Variants in VWDE observed in about 807,000 individuals in gnomAD.
VWDE encodes the protein von Willebrand factor D and EGF domain-containing protein.
In VWDE, 207 loss-of-function variants were observed where a neutral mutation model predicts 178.4. That is an observed-to-expected ratio of 1.16 (90% CI 1.04 to 1.30). The LOEUF (loss-of-function observed/expected upper bound fraction) is 1.30, where lower values mean the gene tolerates loss of function less well. VWDE is among the 50% of genes most tolerant of loss of function. The pLI, the probability that VWDE is intolerant of heterozygous loss-of-function variation, is 0.00. For synonymous variants in VWDE, 738 were observed against 651.4 expected (o/e 1.13, Z -2.02); for missense variants, 2,287 against 1,901.3 (o/e 1.20, Z -3.77).
chr7:12,379,630 C>A, intron 5 of VWDE, 64 bp from the exon 6 acceptor site: 2 of 1,210,898 alleles, frequency 1.7e-6, no homozygotes, highest in South Asian at 1.5e-5. Flanking sequence ...TGTAAATTAT[C>A]ACTTTTAAAA....
intron 7 of VWDE, 189 bp downstream of exon 7, chr7:12,377,587 A>G (rs7789937): frequency 0.24 from 94,160 of 388,212 alleles, 11,777 homozygotes; most frequent in African/African-American, 0.28. Flanking sequence ...TCAGCCAAGA[A>G]GAAGAAATGT....
intron 28 of VWDE, 78 bp from the exon 29 acceptor site, chr7:12,331,275 C>T (rs1437378725): frequency 8.0e-7 from 1 of 1,243,462 alleles, no homozygotes; most frequent in Non-Finnish European, 1.1e-6. Context: ...TTGTTGCCTC[C>T]TTCCCTCTGA....
chr7:12,363,075 A>T (rs1344963180), intron 13 of VWDE, among the ~76,000 whole-genome samples: 2 of 152,120 alleles, frequency 1.3e-5, no homozygotes, highest in African/African-American at 4.8e-5. Flanking sequence ...ATCTCAGTGA[A>T]AAAAGATCAC....
At chr7:12,398,231 C>T (rs1358209945) in intron 1 of VWDE, among the ~76,000 whole-genome samples, 1 of 152,108 alleles carries the variant, frequency 6.6e-6, no homozygotes, top group Non-Finnish European at 1.5e-5. Context: ...TCCCACAGAA[C>T]TGATCTTTAT....
At chr7:12,331,994 T>C (rs1780748569) in intron 28 of VWDE, among the ~76,000 whole-genome samples, 1 of 152,112 alleles carries the variant, frequency 6.6e-6, no homozygotes, top group Non-Finnish European at 1.5e-5. Context: ...TATCTCAGGT[T>C]GCCTGAGGAA....
Position 12,379,457 on chromosome 7 carries a change from G to A in VWDE, c.879+20C>T, listed in dbSNP as rs1248569655. The A allele has an allele frequency of 2.0e-6, 3 of 1,503,416 alleles. No homozygotes were observed. In the Admixed American group the frequency reaches 6.1e-5, roughly 30 times the overall value. The allele number at this position is 1,503,416 out of a possible 1,614,324, so 93.1% of individuals were successfully genotyped here. A position where few individuals can be genotyped will look rare whatever the true frequency, so the allele number is the denominator to read the frequency against. ...GTTCCAGAGGAATAATCTTTCTGAT[G>A]CATCCCCACTGCTGCGTACCTTAAA... is the stretch of plus-strand genomic sequence containing the variant. On this transcript the variant is annotated intron_variant, in intron 6 of 28. Transcript: ENST00000275358.
chr7:12,349,275 A>G, intron 19 of VWDE, among the ~76,000 whole-genome samples: 1 of 141,376 alleles, frequency 7.1e-6, no homozygotes, highest in East Asian at 2.0e-4. Context: ...TATGATATTT[A>G]AATTCAATGT....
chr7:12,350,426 T>C (rs1302858571), intron 19 of VWDE, among the ~76,000 whole-genome samples: 2 of 151,510 alleles, frequency 1.3e-5, no homozygotes, highest in Non-Finnish European at 2.9e-5. Flanking sequence ...GTTTGATAAA[T>C]AACATTTAAA....
At chr7:12,337,364 A>G in intron 24 of VWDE, 92 bp from the exon 25 acceptor site, 1 of 1,074,850 alleles carries the variant, frequency 9.3e-7, no homozygotes, top group South Asian at 1.4e-5. Context: ...CAATGAGGAC[A>G]TAAGGCAGAG....
chr7:12,386,196 C>T (rs1213623463), intron 3 of VWDE, among the ~76,000 whole-genome samples: 1 of 152,042 alleles, frequency 6.6e-6, no homozygotes, highest in Non-Finnish European at 1.5e-5. Context: ...AAATTAAATA[C>T]TTTTTATGAC....
intron 27 of VWDE, among the ~76,000 whole-genome samples, chr7:12,334,701 A>T (rs1382709117): frequency 2.0e-5 from 3 of 152,352 alleles, no homozygotes; most frequent in Admixed American, 6.5e-5. Context: ...ATGCTGCAGG[A>T]TGCAGAAACA....
At chr7:12,385,325 C>A (rs112786375) in intron 3 of VWDE, among the ~76,000 whole-genome samples, 1 of 152,156 alleles carries the variant, frequency 6.6e-6, no homozygotes, top group South Asian at 2.1e-4. Context: ...GACAGCAATA[C>A]GTCCAAGTAA....
At chr7:12,344,152 T>C (rs954937610) in intron 21 of VWDE, 43 bp downstream of exon 21, 2 of 1,489,532 alleles carry the variant, frequency 1.3e-6, no homozygotes, top group Non-Finnish European at 1.8e-6. Flanking sequence ...AAAATTATGC[T>C]ATATTTTAGG....
intron 7 of VWDE, among the ~76,000 whole-genome samples, chr7:12,375,924 T>C (rs893372541): frequency 6.6e-6 from 1 of 152,008 alleles, no homozygotes; most frequent in Non-Finnish European, 1.5e-5. Flanking sequence ...AAGAACAGAT[T>C]TGCCCCCAAA....
chr7:12,356,190 G>A lies in VWDE; in HGVS notation c.3666C>T (p.Cys1222=). The A allele has an allele frequency of 1.3e-6, 2 of 1,551,480 alleles. No individual in the cohort carries two copies. The highest frequency in any genetic ancestry group is 1.7e-6 in the Non-Finnish European group (2 of 1,146,934). The part of the protein sequence containing the change: ...GSLCEVDISG[C]QSNPCGLGSY... ...TGCCAAGACCACAAGGGTTGGATTG[G>A]CACCCACTAATGTCCACTTCACAAA... The change falls in exon 18 of 29, where the codon TGC becomes TGT. Residue 1222 remains cysteine, a synonymous_variant. Transcript: ENST00000275358.
At position 12,349,235 on chromosome 7, in the gene VWDE, T is replaced by TAATA. The variant is rs372504783; in HGVS notation, c.3886+2334_3886+2337dup. ...AAAACTTAAAGTATAATAATCATAA[T>TAATA]AATAAATAAATAAATAAATAAATAA... On this transcript the variant is annotated intron_variant, in intron 19 of 28. Coordinates refer to ENST00000275358, the MANE Select transcript of VWDE (RefSeq NM_001135924.3). 4.9e-4 allele frequency among the ~76,000 whole-genome samples: 64 copies of TAATA among 130,024 alleles called. No individual in the cohort carries two copies. In the East Asian group the frequency reaches 8.8e-3, roughly 18 times the overall value. The allele number at this position is 130,024 out of a possible 152,430, so 85.3% of individuals were successfully genotyped here.
intron 7 of VWDE, among the ~76,000 whole-genome samples, chr7:12,376,401 AAAC>A: frequency 6.6e-6 from 1 of 152,124 alleles, no homozygotes; most frequent in Non-Finnish European, 1.5e-5. Flanking sequence ...TTTCTTCAAC[AAAC>A]AAAAGCCATT....
chr7:12,331,000 G>A lies in VWDE; in HGVS notation c.*183C>T. The A allele has an allele frequency of 2.0e-6, 1 of 508,086 alleles. No individual in the cohort carries two copies. The highest frequency in any genetic ancestry group is 3.0e-5 in the South Asian group (1 of 33,356). The allele number at this position is 508,086 out of a possible 1,614,324, so 31.5% of individuals were successfully genotyped here. ...CTCAACATCAAATTTAGATTACCTG[G>A]ATTTCTTCTTTGCTTTTCTCTATGA... On this transcript the variant is annotated 3_prime_UTR_variant, in exon 29 of 29. Transcript: ENST00000275358.
intron 8 of VWDE, 89 bp from the exon 9 acceptor site, chr7:12,374,851 C>G (rs1783425573): frequency 8.8e-7 from 1 of 1,141,044 alleles, no homozygotes; most frequent in Middle Eastern, 2.7e-4. Flanking sequence ...AACAAACTTT[C>G]AATTAATTAT....
Sources: allele counts gnomAD v4.1 joint callset (sites outside exome capture counted in the v4.1 genomes callset), GRCh38; gene constraint gnomAD v4.1.1; transcripts MANE v1.5; gene names NCBI Gene and HGNC (gene_info 2026-07-23, HGNC 2026-07-21).